The following HDAC8 variants were observed in gnomAD, a reference collection of about 807,000 sequenced individuals.
The protein encoded by HDAC8 is histone deacetylase-like 1.
HDAC8 carries 1 observed loss-of-function variant against 32.2 expected under a neutral mutation model. That is an observed-to-expected ratio of 0.03 (90% CI 0.01 to 0.15). The LOEUF (loss-of-function observed/expected upper bound fraction) is 0.15. HDAC8 is among the 10% of genes least tolerant of loss of function. The pLI is 1.00. For missense variants in HDAC8, 117 were observed against 300.0 expected (o/e 0.39, Z 4.51); for synonymous variants, 108 against 113.9 (o/e 0.95, Z 0.33).
intron 9 of HDAC8, among the ~76,000 whole-genome samples, chrX:72,382,642 A>C (rs1408049347): frequency 8.9e-6 from 1 of 112,438 alleles, no homozygotes; most frequent in Non-Finnish European, 1.9e-5. Flanking sequence ...CCAGTGATAA[A>C]AGACCACATA....
intron 9 of HDAC8, among the ~76,000 whole-genome samples, chrX:72,365,295 T>C (rs1362145572): frequency 8.9e-6 from 1 of 111,982 alleles, no homozygotes; most frequent in Admixed American, 9.5e-5. Flanking sequence ...AAACACTCAC[T>C]GGTTATCTGC....
At chrX:72,407,699 C>T (rs2096544046) in intron 9 of HDAC8, among the ~76,000 whole-genome samples, 1 of 111,665 alleles carries the variant, frequency 9.0e-6, no homozygotes, top group Admixed American at 9.5e-5. Flanking sequence ...GGAAATAGAG[C>T]CTCCAGAAGG....
At chrX:72,543,820 C>T (rs1436386038) in intron 4 of HDAC8, among the ~76,000 whole-genome samples, 12 of 112,615 alleles carry the variant, frequency 1.1e-4, no homozygotes, top group South Asian at 3.7e-4. Context: ...TTATGAAACA[C>T]GCTCCATCAG....
chrX:72,355,925 G>A (rs781882064), intron 9 of HDAC8, among the ~76,000 whole-genome samples: 3 of 111,921 alleles, frequency 2.7e-5, no homozygotes, highest in Non-Finnish European at 5.6e-5. Context: ...AATAAGACAC[G>A]TTTCATAGGA....
chrX:72,503,732 C>T (rs186934183), intron 4 of HDAC8, among the ~76,000 whole-genome samples: 1 of 111,899 alleles, frequency 8.9e-6, no homozygotes. Flanking sequence ...GGTATGTAAC[C>T]AAGGCCTTAC....
In HDAC8 at chrX:72,474,711, TG is replaced by T. The variant is rs782467968; in HGVS notation, c.738-9981del. 2.3e-5 allele frequency: 27 copies of T among 1,194,817 alleles called. No homozygotes were observed. The African/African-American group carries it at 4.8e-4, about 21-fold the overall frequency. ...GCAGCTGCTTCTACAGGCCTGGATT[TG>T]GGGCAGGAGGTTCGTACCTGAGGAG... On this transcript the variant is annotated intron_variant, in intron 7 of 10. Coordinates refer to ENST00000373573, the MANE Select transcript of HDAC8 (RefSeq NM_018486.3).
rs1250641302 is a variant in HDAC8, at chrX:72,567,942, G to A, written c.384C>T (p.Asp128=). The A allele has an allele frequency of 2.1e-5, 26 of 1,209,526 alleles. No individual in the cohort carries two copies. The highest frequency in any genetic ancestry group is 5.2e-5 in the African/African-American group (3 of 57,148). ...ATITAAQCLI[D]GMCKVAINWS... is the part of the protein sequence containing the mutation. ...AGTTAATTGCTACTTTGCACATTCC[G>A]TCAATCAGGCATTGGGCAGCTGTGA... Residue 128 remains aspartate, a synonymous_variant, in exon 4 of 11, where the codon GAC becomes GAT. Transcript: ENST00000373573.
chrX:72,412,343 G>T (rs1555970492), intron 9 of HDAC8, among the ~76,000 whole-genome samples: 3 of 111,939 alleles, frequency 2.7e-5, no homozygotes, highest in Non-Finnish European at 5.6e-5. Flanking sequence ...GCTACTATGT[G>T]CCAGGCTCTG....
intron 4 of HDAC8, among the ~76,000 whole-genome samples, chrX:72,555,440 T>C (rs190747778): frequency 8.9e-6 from 1 of 112,114 alleles, no homozygotes; most frequent in East Asian, 2.8e-4. Context: ...AGAAGGTCGA[T>C]TATTAAGCTA....
At chrX:72,495,317 G>A (rs782539419) in intron 4 of HDAC8, 49 bp from the exon 5 acceptor site, 53 of 880,820 alleles carry the variant, frequency 6.0e-5, no homozygotes, top group Non-Finnish European at 7.9e-5. Context: ...GCAATCCAAG[G>A]GAGTCTTTAC....
chrX:72,418,940 G>A (rs1341324344), intron 9 of HDAC8, among the ~76,000 whole-genome samples: 1 of 111,397 alleles, frequency 9.0e-6, no homozygotes, highest in African/African-American at 3.3e-5. Flanking sequence ...AAAACAATTG[G>A]TTATAGAGGT....
intron 10 of HDAC8, chrX:72,351,138 C>T (rs1447390025): frequency 1.5e-5 from 2 of 130,802 alleles, no homozygotes; most frequent in Non-Finnish European, 3.0e-5. Context: ...GACAGGGTCT[C>T]GCCCAGGCTG....
intron 9 of HDAC8, among the ~76,000 whole-genome samples, chrX:72,458,965 C>A (rs2047795586): frequency 8.9e-6 from 1 of 111,818 alleles, no homozygotes. Context: ...ACCCTGTAAT[C>A]TACACATAGC....
intron 9 of HDAC8, among the ~76,000 whole-genome samples, chrX:72,394,271 G>A (rs782544039): frequency 2.7e-5 from 3 of 110,966 alleles, no homozygotes; most frequent in African/African-American, 9.8e-5. Context: ...TTGTGAGGTC[G>A]CTGACTGGCA....
At chrX:72,491,331 C>G (rs1320320797) in intron 5 of HDAC8, among the ~76,000 whole-genome samples, 4 of 111,379 alleles carry the variant, frequency 3.6e-5, no homozygotes, top group African/African-American at 1.3e-4. Context: ...AAGGCGAGAG[C>G]CTAGAATTGA....
At chrX:72,429,092 T>C (rs891084721) in intron 9 of HDAC8, among the ~76,000 whole-genome samples, 1 of 107,177 alleles carries the variant, frequency 9.3e-6, no homozygotes, top group South Asian at 4.3e-4. Flanking sequence ...TCTCCTCACC[T>C]TCCTGTGCCC....
chrX:72,463,430 C>T (rs1191990873), intron 8 of HDAC8, among the ~76,000 whole-genome samples: 3 of 111,700 alleles, frequency 2.7e-5, no homozygotes, highest in Non-Finnish European at 5.6e-5. Flanking sequence ...TGCTAACAGG[C>T]TTTTAATGTA....
intron 9 of HDAC8, among the ~76,000 whole-genome samples, chrX:72,422,442 C>T (rs1555973970): frequency 9.1e-6 from 1 of 110,050 alleles, no homozygotes; most frequent in Non-Finnish European, 1.9e-5. Context: ...GTGCCTGAAG[C>T]CTCTAGTGAA....
chrX:72,478,638 A>G, intron 7 of HDAC8, among the ~76,000 whole-genome samples: 1 of 101,964 alleles, frequency 9.8e-6, no homozygotes, highest in African/African-American at 3.6e-5. Flanking sequence ...TTTTTTGAGG[A>G]GTTCTTTCCT....
Sources: allele counts gnomAD v4.1 joint callset (sites outside exome capture counted in the v4.1 genomes callset), GRCh38; gene constraint gnomAD v4.1.1; transcripts MANE v1.5; gene names NCBI Gene and HGNC (gene_info 2026-07-23, HGNC 2026-07-21).